PIGQ: variants seen among roughly 807,000 people sequenced by gnomAD.
PIGQ encodes phosphatidylinositol N-acetylglucosaminyltransferase subunit Q.
Under a neutral mutation model 60.3 loss-of-function variants are expected in PIGQ, and 54 were observed. The observed-to-expected ratio is 0.90, with a 90% CI of 0.72 to 1.12. The LOEUF (loss-of-function observed/expected upper bound fraction) is 1.12, where lower values mean the gene tolerates loss of function less well. Ranked by LOEUF, PIGQ falls within the 50% of genes most tolerant of loss-of-function variation. The pLI is 0.00. For missense variants in PIGQ, 799 were observed against 793.5 expected (o/e 1.01, Z -0.08); for synonymous variants, 416 against 363.7 (o/e 1.14, Z -1.64).
intron 1 of PIGQ, 41 bp from the exon 2 acceptor site, chr16:574,025 C>T: frequency 7.1e-7 from 1 of 1,403,670 alleles, no homozygotes; most frequent in Non-Finnish European, 9.7e-7. Context: ...GGTGGGGGGG[C>T]AGCAGCAGCT....
intron 4 of PIGQ, chr16:577,362 G>T (rs996860952): frequency 6.6e-6 from 1 of 152,154 alleles, no homozygotes; most frequent in Admixed American, 6.5e-5. Context: ...CGGATCATGA[G>T]GTCAGGAGAT....
chr16:574,609 GA>G lies in PIGQ; in HGVS notation c.536del (p.Asp179AlafsTer10), dbSNP rs1387870231. The G allele has an allele frequency of 6.2e-7, 1 of 1,605,916 alleles. No individual in the cohort carries two copies. The highest frequency in any genetic ancestry group is 2.2e-5 in the East Asian group (1 of 44,602). On this transcript the variant is annotated frameshift_variant, in exon 2 of 11. Transcript: ENST00000321878. LOFTEE classifies it high-confidence loss of function. ...VARSEVLFRS[D>X]RFDEGPVRLS... Reference sequence around the variant, plus strand: ...ACGCAGTGAGGTGCTCTTCCGCAGTGACCGCTTTGATGAGGGCCCCGTGCGG... The same window carrying G: ...ACGCAGTGAGGTGCTCTTCCGCAGTGCCGCTTTGATGAGGGCCCCGTGCGG...
At chr16:572,906 G>A (rs1418227859) in intron 1 of PIGQ, among the ~76,000 whole-genome samples, 1 of 152,276 alleles carries the variant, frequency 6.6e-6, no homozygotes, top group East Asian at 1.9e-4. Flanking sequence ...TCCCTCGAGT[G>A]TGGCTCCAGC....
Position 583,641 on chromosome 16 carries a change from C to T in PIGQ, c.*606C>T, listed in dbSNP as rs1244370296. 1.2e-6 allele frequency: 2 copies of T among 1,612,428 alleles called. No individual in the cohort carries two copies. The highest frequency in any genetic ancestry group is 1.7e-6 in the Non-Finnish European group (2 of 1,179,908). ...TGGAGAGGTCGCTTTGTGAAGAAACCATCAGCAGGCTGTGAGCATCGCCAG... is the reference window on the plus strand; with the variant it reads ...TGGAGAGGTCGCTTTGTGAAGAAACTATCAGCAGGCTGTGAGCATCGCCAG... On this transcript the variant is annotated 3_prime_UTR_variant, in exon 11 of 11. Coordinates refer to ENST00000321878, the MANE Select transcript of PIGQ (RefSeq NM_004204.5).
intron 9 of PIGQ, chr16:581,317 G>A: frequency 1.0e-5 from 13 of 1,270,292 alleles, no homozygotes; most frequent in Non-Finnish European, 1.3e-5. Context: ...GAGGCACTAG[G>A]AGCCAGCAGG....
At chr16:575,671 G>A (rs752045916) in intron 2 of PIGQ, among the ~76,000 whole-genome samples, 168 bp from the exon 3 acceptor site, 19 of 152,152 alleles carry the variant, frequency 1.2e-4, no homozygotes, top group South Asian at 4.1e-4. Flanking sequence ...AGGTGGGCGC[G>A]TTGAGCGCTG....
In PIGQ at chr16:582,963, C is replaced by A. The variant is rs760639555; in HGVS notation, c.1674C>A (p.Gly558=). The part of the protein sequence containing the change: ...SCGCHPKHSW[G]ALCRKLFLGE... ...GCTGCCACCCCAAGCACTCCTGGGGCGCCCTGTGCCGCAAGCTGTTCCTTG... is the reference window on the plus strand; with the variant it reads ...GCTGCCACCCCAAGCACTCCTGGGGAGCCCTGTGCCGCAAGCTGTTCCTTG... Residue 558 remains glycine (G), a synonymous_variant, in exon 11 of 11, where the codon GGC becomes GGA. Coordinates refer to ENST00000321878, the MANE Select transcript of PIGQ (RefSeq NM_004204.5). The A allele has an allele frequency of 6.2e-7, 1 of 1,613,006 alleles. No individual in the cohort carries two copies. The highest frequency in any genetic ancestry group is 8.5e-7 in the Non-Finnish European group (1 of 1,179,952).
chr16:582,438 G>C (rs1596388143), intron 10 of PIGQ, 129 bp downstream of exon 10: 1 of 696,022 alleles, frequency 1.4e-6, no homozygotes, highest in East Asian at 2.8e-5. Context: ...GCCCAGTGGA[G>C]CTGAGGGGGA....
chr16:574,192 T>G lies in PIGQ; in HGVS notation c.118T>G (p.Phe40Val). Residue 40 changes from phenylalanine to valine, a missense_variant, in exon 2 of 11, where the codon TTC becomes GTC. Transcript: ENST00000321878. ...GGTCCTGGCGGTCCTGCACTTTCCC[T>G]TCATCCCCATCCAGGTCAAGCAGCT... Reference protein sequence around the residue: ...AVVLAVLHFPFIPIQVKQLLA... With the variant: ...AVVLAVLHFPVIPIQVKQLLA... 6.2e-7 allele frequency: 1 copy of G among 1,612,566 alleles called. No individual in the cohort carries two copies. The highest frequency in any genetic ancestry group is 8.5e-7 in the Non-Finnish European group (1 of 1,179,800).
Position 580,426 on chromosome 16 carries a change from G to C in PIGQ, c.1416+163G>C, listed in dbSNP as rs1342073495. 5.2e-5 allele frequency: 31 copies of C among 592,040 alleles called. 1 individual carries two copies. The highest frequency in any genetic ancestry group is 1.2e-5 in the Non-Finnish European group (4 of 331,994). The allele number at this position is 592,040 out of a possible 1,614,324, so 36.7% of individuals were successfully genotyped here. A position where few individuals can be genotyped will look rare whatever the true frequency, so the allele number is the denominator to read the frequency against. ...GCAGTGAGTGCTGCGCTCTGGAGTG[G>C]GCGAGGCCCTATCCTGGCCAGTAAG... On this transcript the variant is annotated intron_variant, in intron 8 of 10. Transcript: ENST00000321878.
intron 5 of PIGQ, 135 bp from the exon 6 acceptor site, chr16:578,650 G>A: frequency 7.1e-7 from 1 of 1,402,242 alleles, no homozygotes; most frequent in Admixed American, 1.9e-5. Context: ...GCTGAGGGCT[G>A]GGGCCTGGGC....
In PIGQ at chr16:583,605, C is replaced by G. The variant is rs771475114; in HGVS notation, c.*570C>G. ...CCCTGAACCACACGGGGTTTATTTG[C>G]GGATGTTCCCTGGAGAGGTCGCTTT... On this transcript the variant is annotated 3_prime_UTR_variant, in exon 11 of 11. Transcript: ENST00000321878. 1.2e-6 allele frequency: 2 copies of G among 1,612,656 alleles called. No individual in the cohort carries two copies. The highest frequency in any genetic ancestry group is 2.7e-5 in the African/African-American group (2 of 74,908).
rs569222069 is a variant in PIGQ at position 580,664 on chromosome 16, G to A, written c.1417-194G>A. 310 of 608,152 alleles carry A rather than the reference G, an allele frequency of 5.1e-4. 3 individuals carry two copies. The African/African-American group carries it at 5.3e-3, about 10-fold the overall frequency. The allele number at this position is 608,152 out of a possible 1,614,324, so 37.7% of individuals were successfully genotyped here. On this transcript the variant is annotated intron_variant, in intron 8 of 10. Transcript: ENST00000321878. ...GCACCTCTGACCTGGTGAGAGGGCC[G>A]GGTGCTCCGCCTCCAGCTTTGCTCC...
chr16:583,166 G>T lies in PIGQ; in HGVS notation c.*131G>T. 2.5e-6 allele frequency: 4 copies of T among 1,613,310 alleles called. No homozygotes were observed. The highest frequency in any genetic ancestry group is 3.4e-6 in the Non-Finnish European group (4 of 1,179,972). ...TGCTGTGTGCTCCTGAACACGGCAG[G>T]CCCTGCTATCACACCTTGGGCTTGG... is the stretch of plus-strand genomic sequence containing the variant. On this transcript the variant is annotated 3_prime_UTR_variant, in exon 11 of 11. Coordinates refer to ENST00000321878, the MANE Select transcript of PIGQ (RefSeq NM_004204.5).
At chr16:578,157 G>A (rs565135164) in intron 4 of PIGQ, 182 of 507,446 alleles carry the variant, frequency 3.6e-4, no homozygotes, top group African/African-American at 3.4e-3. Flanking sequence ...GCCCGGCCAT[G>A]TCACCCAGGC....
chr16:578,322 G>T (rs370118218), intron 4 of PIGQ, 57 bp from the exon 5 acceptor site: 3 of 1,564,338 alleles, frequency 1.9e-6, no homozygotes, highest in Admixed American at 1.8e-5. Flanking sequence ...AGCCTGGGGA[G>T]ATGCAGGTGC....
Position 583,778 on chromosome 16 carries a change from C to A in PIGQ, c.*743C>A. 1 of 905,934 alleles carries A rather than the reference C, an allele frequency of 1.1e-6. No individual in the cohort carries two copies. The highest frequency in any genetic ancestry group is 1.8e-6 in the Non-Finnish European group (1 of 566,028). The allele number at this position is 905,934 out of a possible 1,614,324, so 56.1% of individuals were successfully genotyped here. A position where few individuals can be genotyped will look rare whatever the true frequency, so the allele number is the denominator to read the frequency against. On this transcript the variant is annotated 3_prime_UTR_variant, in exon 11 of 11. Coordinates refer to ENST00000321878, the MANE Select transcript of PIGQ (RefSeq NM_004204.5). ...GCAGGTCCTGCGGCCAAATCTGTCTCCCTTCATGGGCCTCCCAGGGAAGGA... is the reference window on the plus strand; with the variant it reads ...GCAGGTCCTGCGGCCAAATCTGTCTACCTTCATGGGCCTCCCAGGGAAGGA...
chr16:571,199 GTC>G (rs2035617700), intron 1 of PIGQ, among the ~76,000 whole-genome samples: 1 of 117,896 alleles, frequency 8.5e-6, no homozygotes, highest in African/African-American at 3.1e-5. Flanking sequence ...GTGTGTGTGT[GTC>G]TGGCTAGCCT....
Position 580,278 on chromosome 16 carries a change from C to T in PIGQ, c.1416+15C>T. The T allele has an allele frequency of 1.3e-6, 2 of 1,589,092 alleles. No homozygotes were observed. Among genetic ancestry groups the T allele is most frequent in the Non-Finnish European group, 1.7e-6 (2 of 1,161,288 alleles). ...TGTTCACCCTGGTGAGCTGAGCACC[C>T]ACAGGCTGGGCCTGGCTGCAGTGCT... is the stretch of plus-strand genomic sequence containing the variant. On this transcript the variant is annotated intron_variant, in intron 8 of 10. Coordinates refer to ENST00000321878, the MANE Select transcript of PIGQ (RefSeq NM_004204.5).
Sources: allele counts gnomAD v4.1 joint callset (sites outside exome capture counted in the v4.1 genomes callset), GRCh38; gene constraint gnomAD v4.1.1; transcripts MANE v1.5; gene names NCBI Gene and HGNC (gene_info 2026-07-23, HGNC 2026-07-21).